The following KLF12 variants were observed in gnomAD, a reference collection of about 807,000 sequenced individuals.
KLF12 encodes KLF transcription factor 12.
Under a neutral mutation model 37.8 loss-of-function variants are expected in KLF12, and 9 were observed. The ratio of observed to expected loss-of-function variants is 0.24; its 90% CI spans 0.14 to 0.42. The LOEUF is 0.42. Ranked by LOEUF, KLF12 falls within the 10% of genes least tolerant of loss-of-function variation. The pLI is 1.00. For missense variants in KLF12, 411 were observed against 516.0 expected, an observed-to-expected ratio of 0.80 and a Z score of 1.97; for synonymous variants, 208 against 202.1, an observed-to-expected ratio of 1.03 and a Z score of -0.25.
chr13:74,047,779 C>T (rs982062536), intron 1 of KLF12, among the ~76,000 whole-genome samples: 5 of 152,186 alleles, frequency 3.3e-5, no homozygotes, highest in East Asian at 3.8e-4. Context: ...TTCTTAAACA[C>T]GGCTTCACCT....
At chr13:74,277,016 G>A in the KLF12 span, among the ~76,000 whole-genome samples, 2 of 152,192 alleles carry the variant, frequency 1.3e-5, no homozygotes, top group South Asian at 2.1e-4. Flanking sequence ...CCTCTGGTAT[G>A]TTTCTTGGTC....
intron 3 of KLF12, among the ~76,000 whole-genome samples, chr13:73,848,836 T>C (rs952072381): frequency 6.6e-6 from 1 of 152,046 alleles, no homozygotes; most frequent in Non-Finnish European, 1.5e-5. Flanking sequence ...ACACATGAAT[T>C]TGTAAAATCA....
In KLF12 at chr13:74,012,560, C is replaced by G. The variant is rs185282597; in HGVS notation, c.-31-17507G>C. On this transcript the variant is annotated intron_variant, in intron 1 of 7. Transcript: ENST00000377669. Reference sequence around the variant, plus strand: ...GAGCACAACTAAGTATATTATGTTACAGTATCATCTGGAAACTCAGGCCAA... The same window carrying G: ...GAGCACAACTAAGTATATTATGTTAGAGTATCATCTGGAAACTCAGGCCAA... Among the ~76,000 whole-genome samples, 208 of 152,320 alleles carry G rather than the reference C, an allele frequency of 1.4e-3. 3 individuals carry two copies. The highest frequency in any genetic ancestry group is 6.8e-4 in the Non-Finnish European group (46 of 68,026).
chr13:74,023,742 A>G (rs1892904063), intron 1 of KLF12, among the ~76,000 whole-genome samples: 1 of 152,194 alleles, frequency 6.6e-6, no homozygotes, highest in African/African-American at 2.4e-5. Context: ...ATGAGATCAC[A>G]TTCTGAGGTC....
intron 1 of KLF12, among the ~76,000 whole-genome samples, chr13:74,031,965 A>C (rs954014246): frequency 1.3e-5 from 2 of 152,156 alleles, no homozygotes; most frequent in African/African-American, 4.8e-5. Flanking sequence ...AATTATTATA[A>C]GAGAAATTCC....
At chr13:74,301,903 G>T in the KLF12 span, among the ~76,000 whole-genome samples, 1 of 152,066 alleles carries the variant, frequency 6.6e-6, no homozygotes, top group Non-Finnish European at 1.5e-5. Flanking sequence ...ACCCTCTCCC[G>T]TGTTACAACT....
intron 5 of KLF12, among the ~76,000 whole-genome samples, chr13:73,808,560 G>T (rs919803136): frequency 3.9e-5 from 6 of 152,084 alleles, no homozygotes; most frequent in Non-Finnish European, 8.8e-5. Context: ...GCAGTGGTGG[G>T]TGGGGTGGGT....
the KLF12 span, among the ~76,000 whole-genome samples, chr13:74,278,759 T>C: frequency 6.6e-6 from 1 of 152,216 alleles, no homozygotes; most frequent in Non-Finnish European, 1.5e-5. Context: ...TTTTCTGCCA[T>C]GGGATATTTT....
chr13:74,148,162 G>A, the KLF12 span, among the ~76,000 whole-genome samples: 10 of 151,906 alleles, frequency 6.6e-5, no homozygotes, highest in Admixed American at 1.3e-4. Context: ...TGATCCACCC[G>A]CCTCGGCCTC....
intron 1 of KLF12, among the ~76,000 whole-genome samples, chr13:74,125,978 A>G (rs952257970): frequency 2.6e-5 from 4 of 152,228 alleles, no homozygotes; most frequent in African/African-American, 9.6e-5. Flanking sequence ...GCTATTCACT[A>G]TAATTTCATT....
At chr13:74,245,268 C>T in the KLF12 span, among the ~76,000 whole-genome samples, 1 of 152,044 alleles carries the variant, frequency 6.6e-6, no homozygotes, top group South Asian at 2.1e-4. Flanking sequence ...AGCTGTATAT[C>T]AGGTTTGAAG....
At chr13:73,866,921 G>A (rs577404525) in intron 3 of KLF12, among the ~76,000 whole-genome samples, 30 of 152,072 alleles carry the variant, frequency 2.0e-4, no homozygotes, top group African/African-American at 7.0e-4. Context: ...AATGTCCCAA[G>A]ATCTCTGCAT....
intron 5 of KLF12, among the ~76,000 whole-genome samples, chr13:73,796,148 C>G (rs1274331379): frequency 6.6e-6 from 1 of 152,134 alleles, no homozygotes; most frequent in African/African-American, 2.4e-5. Context: ...AAAATTTTCT[C>G]TTCATTCCAA....
chr13:74,144,502 G>A, the KLF12 span, among the ~76,000 whole-genome samples: 81 of 152,224 alleles, frequency 5.3e-4, 1 homozygote, highest in East Asian at 0.015. Context: ...CCACATTTTT[G>A]TATTTCTTTC....
intron 3 of KLF12, among the ~76,000 whole-genome samples, chr13:73,886,862 C>T (rs919632282): frequency 1.3e-5 from 2 of 151,858 alleles, no homozygotes; most frequent in African/African-American, 2.4e-5. Context: ...CGTGGTGGCG[C>T]ATGCCTGTAA....
At position 74,076,679 on chromosome 13, in the gene KLF12, G is replaced by T. The variant is rs879261784; in HGVS notation, c.-32+57060C>A. Reference sequence around the variant, plus strand: ...TTATCTTAGGTTTGAGGGTACATGTGAAAGTTTGTTATATACGTAAACTCA... The same window carrying T: ...TTATCTTAGGTTTGAGGGTACATGTTAAAGTTTGTTATATACGTAAACTCA... On this transcript the variant is annotated intron_variant, in intron 1 of 7. Coordinates refer to ENST00000377669, the MANE Select transcript of KLF12 (RefSeq NM_007249.5). Among the ~76,000 whole-genome samples the T allele has an allele frequency of 6.6e-5, 10 of 152,146 alleles. No homozygotes were observed. The East Asian group carries it at 7.7e-4, about 12-fold the overall frequency.
intron 7 of KLF12, among the ~76,000 whole-genome samples, chr13:73,708,060 T>A (rs894930417): frequency 7.2e-5 from 11 of 152,182 alleles, no homozygotes; most frequent in Non-Finnish European, 1.2e-4. Context: ...AGAAAAATTA[T>A]TAAATAATGT....
chr13:73,899,333 T>C (rs371815584), intron 3 of KLF12, among the ~76,000 whole-genome samples: 82 of 152,322 alleles, frequency 5.4e-4, no homozygotes, highest in East Asian at 3.9e-3. Context: ...CATATCCGTC[T>C]GTTTCCACCT....
the KLF12 span, among the ~76,000 whole-genome samples, chr13:74,171,757 T>C: frequency 6.6e-6 from 1 of 152,126 alleles, no homozygotes; most frequent in African/African-American, 2.4e-5. Context: ...CTAAAAAGAC[T>C]CCCACAAAAT....
Sources: gnomAD v4.1 joint callset for allele counts (sites outside exome capture counted in the v4.1 genomes callset) on GRCh38, gnomAD v4.1.1 for gene constraint, MANE v1.5 for transcripts, NCBI Gene and HGNC (gene_info 2026-07-23, HGNC 2026-07-21) for gene names.